Variants in RIPOR2 observed in about 807,000 individuals in gnomAD.
RIPOR2 encodes RHO family interacting cell polarization regulator 2, also known as rho family-interacting cell polarization regulator 2.
A neutral mutation model predicts 114.5 loss-of-function variants in RIPOR2; 39 were observed. That is an observed-to-expected ratio of 0.34 (90% CI 0.26 to 0.44). RIPOR2 has a LOEUF of 0.44. RIPOR2 is among the 20% of genes least tolerant of loss of function. The probability of loss-of-function intolerance (pLI) is 1.00; values close to 1 mark genes in which losing one functional copy is unlikely to be tolerated. For synonymous variants in RIPOR2, 445 were observed against 484.4 expected, an observed-to-expected ratio of 0.92 and a Z score of 1.07; for missense variants, 1,007 against 1,255.1, an observed-to-expected ratio of 0.80 and a Z score of 2.99.
intron 1 of RIPOR2, among the ~76,000 whole-genome samples, chr6:24,886,889 C>T (rs1766884811): frequency 6.6e-6 from 1 of 152,170 alleles, no homozygotes; most frequent in African/African-American, 2.4e-5. Flanking sequence ...CCATTGATGT[C>T]TCCTGCCCAA....
At chr6:24,889,500 C>A (rs1767126097) in intron 1 of RIPOR2, among the ~76,000 whole-genome samples, 1 of 152,120 alleles carries the variant, frequency 6.6e-6, no homozygotes, top group African/African-American at 2.4e-5. Context: ...AAAGGAAATT[C>A]ATAACACATA....
rs375290061 is a variant in RIPOR2 at position 24,859,275 on chromosome 6, G to A, written c.715+1698C>T. 9.8e-5 allele frequency among the ~76,000 whole-genome samples: 15 copies of A among 152,292 alleles called. No individual in the cohort carries two copies. In the South Asian group the frequency reaches 1.7e-3, roughly 17 times the overall value. ...TTTTATATTAGCAGTGATAGGTGATGTGCATGATTTGAATTACTGTTAGGC... is the reference window on the plus strand; with the variant it reads ...TTTTATATTAGCAGTGATAGGTGATATGCATGATTTGAATTACTGTTAGGC... On this transcript the variant is annotated intron_variant, in intron 8 of 21. Transcript: ENST00000643898.
At chr6:24,905,860 G>A (rs1232722361) in intron 1 of RIPOR2, among the ~76,000 whole-genome samples, 1 of 152,122 alleles carries the variant, frequency 6.6e-6, no homozygotes, top group East Asian at 1.9e-4. Flanking sequence ...GAGCTCTCCT[G>A]GAAGCCAAGG....
intron 12 of RIPOR2, among the ~76,000 whole-genome samples, chr6:24,844,601 G>A (rs1006010770): frequency 1.9e-4 from 29 of 151,822 alleles, no homozygotes; most frequent in Non-Finnish European, 3.2e-4. Context: ...CTCCCAAGTA[G>A]CTAGGATTAC....
intron 1 of RIPOR2, among the ~76,000 whole-genome samples, chr6:24,916,830 A>G (rs897525942): frequency 6.6e-6 from 1 of 152,194 alleles, no homozygotes; most frequent in African/African-American, 2.4e-5. Context: ...TGTCCCAAGA[A>G]TGAATGTCCC....
chr6:24,970,773 A>G (rs939252360), intron 1 of RIPOR2, among the ~76,000 whole-genome samples: 5 of 152,182 alleles, frequency 3.3e-5, no homozygotes, highest in Non-Finnish European at 7.4e-5. Context: ...CAAAATTAAA[A>G]AGTGAGATTT....
In RIPOR2 at chr6:24,837,620, G is replaced by A. The variant is rs563692807; in HGVS notation, c.2039+1471C>T. Among the ~76,000 whole-genome samples, 3 of 152,116 alleles carry A rather than the reference G, an allele frequency of 2.0e-5. No homozygotes were observed. In the East Asian group the frequency reaches 5.8e-4, roughly 29 times the overall value. On this transcript the variant is annotated intron_variant, in intron 14 of 21. Transcript: ENST00000643898. ...AGATGGCATTTTGCCATGTTTCCCA[G>A]GCTGGTCTTGAACTACTGAGTTCAA...
chr6:24,866,523 T>C (rs1257391409), intron 6 of RIPOR2, among the ~76,000 whole-genome samples: 1 of 151,170 alleles, frequency 6.6e-6, no homozygotes, highest in South Asian at 2.1e-4. Context: ...TGAAAATTTT[T>C]TTTTTTTTTT....
intron 4 of RIPOR2, among the ~76,000 whole-genome samples, chr6:24,871,208 C>T (rs923750115): frequency 4.6e-5 from 7 of 151,984 alleles, no homozygotes; most frequent in African/African-American, 9.7e-5. Flanking sequence ...TGAGCTCTCC[C>T]GTCCTACCTA....
chr6:25,022,195 A>T (rs955061479), intron 1 of RIPOR2, among the ~76,000 whole-genome samples: 160 of 152,316 alleles, frequency 1.1e-3, no homozygotes, highest in African/African-American at 3.6e-3. Context: ...GAAGAGTTAC[A>T]TCATATGAAA....
chr6:24,917,127 C>T lies in RIPOR2; in HGVS notation c.61+18711G>A, dbSNP rs149508262. ...ATATAATCTAGGCCAACAGTTCCCC[C>T]GGCCCTTTTCTTGGTTTCAAGATCC... On this transcript the variant is annotated intron_variant, in intron 1 of 21. Transcript: ENST00000643898. Among the ~76,000 whole-genome samples the T allele has an allele frequency of 3.8e-4, 58 of 152,136 alleles. No homozygotes were observed. The South Asian group carries it at 9.0e-3, about 24-fold the overall frequency.
At chr6:24,839,347 G>A in intron 13 of RIPOR2, 75 bp from the exon 14 acceptor site, 1 of 1,464,728 alleles carries the variant, frequency 6.8e-7, no homozygotes, top group Non-Finnish European at 9.0e-7. Flanking sequence ...TGCTCAATTG[G>A]AGATGCCACA....
intron 1 of RIPOR2, chr6:25,023,616 T>G: frequency 2.6e-6 from 2 of 763,810 alleles, no homozygotes; most frequent in Non-Finnish European, 4.8e-6. Flanking sequence ...TCTAAATGAG[T>G]GTGGTAAAGG....
In RIPOR2 at chr6:24,848,066, C is replaced by G; in HGVS notation, c.1123G>C (p.Gly375Arg). Residue 375 changes from glycine (G) to arginine (R), a missense_variant, in exon 12 of 22, where the codon GGT becomes CGT. Coordinates refer to ENST00000643898, the MANE Select transcript of RIPOR2 (RefSeq NM_001286445.3). The stretch of plus-strand genomic sequence containing the variant: ...TTGAAGGTGGGCGTTTCCGGGGTAC[C>G]CTGGCTGTACATGGACATTCTCCTC... ...LQRRMSMYSQ[G>R]TPETPTFKDH... 6.2e-7 allele frequency: 1 copy of G among 1,613,892 alleles called. No homozygotes were observed. The highest frequency in any genetic ancestry group is 8.5e-7 in the Non-Finnish European group (1 of 1,179,848).
At chr6:24,885,932 C>T (rs1405476580) in intron 1 of RIPOR2, among the ~76,000 whole-genome samples, 2 of 152,086 alleles carry the variant, frequency 1.3e-5, no homozygotes, top group African/African-American at 4.8e-5. Flanking sequence ...AATTGAAAAG[C>T]ATGGATTCAT....
chr6:24,818,491 T>A (rs1017199036), intron 20 of RIPOR2, 51 bp downstream of exon 20: 2 of 1,195,708 alleles, frequency 1.7e-6, no homozygotes, highest in African/African-American at 3.1e-5. Context: ...ACACTCAGCT[T>A]AGCCTGGCTC....
At chr6:24,917,592 C>T (rs991210281) in intron 1 of RIPOR2, among the ~76,000 whole-genome samples, 5 of 152,034 alleles carry the variant, frequency 3.3e-5, no homozygotes, top group East Asian at 1.9e-4. Flanking sequence ...TGCAATGGCG[C>T]GATCTTGCCT....
rs920390325 is a variant in RIPOR2, at chr6:24,883,965, T to C, written c.62-8148A>G. Among the ~76,000 whole-genome samples the C allele has an allele frequency of 6.6e-6, 1 of 152,240 alleles. No homozygotes were observed. Among genetic ancestry groups the C allele is most frequent in the African/African-American group, 2.4e-5 (1 of 41,470 alleles). ...TGGGCCAGATGTAAATAGCCTGCTATGCAAAATAATTATTTAAGATGAAAA... is the reference window on the plus strand; with the variant it reads ...TGGGCCAGATGTAAATAGCCTGCTACGCAAAATAATTATTTAAGATGAAAA... On this transcript the variant is annotated intron_variant, in intron 1 of 21. Coordinates refer to ENST00000643898, the MANE Select transcript of RIPOR2 (RefSeq NM_001286445.3). The surrounding 1 kb of genome is among the most constrained non-coding windows in gnomAD (Gnocchi z 4.1).
intron 12 of RIPOR2, 64 bp from the exon 13 acceptor site, chr6:24,843,618 T>G: frequency 8.2e-7 from 1 of 1,215,188 alleles, no homozygotes; most frequent in Non-Finnish European, 1.1e-6. Context: ...TTGGCATGGT[T>G]TATTTCCAGA....
Sources: gnomAD v4.1 joint callset for allele counts (sites outside exome capture counted in the v4.1 genomes callset) on GRCh38, gnomAD v4.1.1 for gene constraint, Gnocchi (gnomAD v3.1) non-coding constraint, MANE v1.5 for transcripts, NCBI Gene and HGNC (gene_info 2026-07-23, HGNC 2026-07-21) for gene names.